Variants in FBXW2 observed in about 807,000 individuals in gnomAD.
FBXW2 encodes F-box and WD repeat domain containing 2, also known as F-box/WD repeat-containing protein 2.
Under a neutral mutation model 46.0 loss-of-function variants are expected in FBXW2, and 12 were observed. That is an observed-to-expected ratio of 0.26 (90% confidence interval 0.17 to 0.42). The LOEUF (loss-of-function observed/expected upper bound fraction) is 0.42. FBXW2 is among the 10% of genes least tolerant of loss of function. FBXW2 has a pLI of 1.00. For missense variants in FBXW2, 360 were observed against 537.0 expected (o/e 0.67, Z 3.26); for synonymous variants, 203 against 209.6 (o/e 0.97, Z 0.27).
In FBXW2 at chr9:120,776,202, T is replaced by G; in HGVS notation, c.710A>C (p.Glu237Ala). Residue 237 changes from glutamate to alanine, a missense_variant, in exon 5 of 8, where the codon GAA becomes GCA. Transcript: ENST00000608872. ...AGAGCCGCTCACCAAGATATCCAGT[T>G]CATCATTGTAGTCCACGCTAAATAC... ...GAVFSVDYND[E>A]LDILVSGSAD... The G allele has an allele frequency of 6.2e-7, 1 of 1,614,148 alleles. No individual in the cohort carries two copies. Among genetic ancestry groups the G allele is most frequent in the East Asian group, 2.2e-5 (1 of 44,884 alleles).
chr9:120,777,722 CA>C (rs982837832), intron 4 of FBXW2, among the ~76,000 whole-genome samples: 2 of 144,732 alleles, frequency 1.4e-5, no homozygotes, highest in Non-Finnish European at 3.0e-5. Flanking sequence ...CCGCCCCCGC[CA>C]AAAAAAAAGC....
chr9:120,791,176 T>C (rs1315965539), intron 2 of FBXW2, among the ~76,000 whole-genome samples: 4 of 152,220 alleles, frequency 2.6e-5, no homozygotes, highest in African/African-American at 7.2e-5. Context: ...TGGACTCTTT[T>C]AGGCAGCCTC....
chr9:120,791,542 T>C (rs1373058728), intron 2 of FBXW2, among the ~76,000 whole-genome samples: 2 of 152,202 alleles, frequency 1.3e-5, no homozygotes, highest in African/African-American at 2.4e-5. Flanking sequence ...GTGTACAGTC[T>C]AGCGGGTAAA....
chr9:120,763,143 G>A lies in FBXW2; in HGVS notation c.*1416C>T, dbSNP rs1029037447. On this transcript the variant is annotated 3_prime_UTR_variant, in exon 8 of 8. Coordinates refer to ENST00000608872, the MANE Select transcript of FBXW2 (RefSeq NM_012164.4). ...AAAATCTGGATTTCTAGCTCCTCCT[G>A]AAACAATGTGAAGACCTGCCAACCC... 6.6e-6 allele frequency: 1 copy of A among 152,164 alleles called. No homozygotes were observed. The highest frequency in any genetic ancestry group is 2.1e-4 in the South Asian group (1 of 4,834). The allele number at this position is 152,164 out of a possible 1,614,324, so 9.4% of individuals were successfully genotyped here.
intron 3 of FBXW2, among the ~76,000 whole-genome samples, chr9:120,784,913 C>G (rs1036660265): frequency 7.0e-6 from 1 of 143,622 alleles, no homozygotes; most frequent in African/African-American, 2.6e-5. Flanking sequence ...AGAGGAGCTC[C>G]TGTTTCAAAA....
intron 3 of FBXW2, among the ~76,000 whole-genome samples, chr9:120,787,074 G>A (rs1210898220): frequency 6.6e-6 from 1 of 152,152 alleles, no homozygotes; most frequent in Non-Finnish European, 1.5e-5. Flanking sequence ...TGTCACCCAG[G>A]CTGGAGTGCA....
At position 120,787,760 on chromosome 9, in the gene FBXW2, A is replaced by C; in HGVS notation, c.490+9T>G. ...ACAAAACCCAAAAAGCAGTTTCAAC[A>C]TCTCTTACCTGTACAGAGAAGTCCA... On this transcript the variant is annotated intron_variant, in intron 3 of 7. Transcript: ENST00000608872. 1 of 1,590,872 alleles carries C rather than the reference A, an allele frequency of 6.3e-7. No individual in the cohort carries two copies. Among genetic ancestry groups the C allele is most frequent in the Non-Finnish European group, 8.5e-7 (1 of 1,171,390 alleles).
rs752168720 is a variant in FBXW2 at position 120,760,163 on chromosome 9, C to T, written c.*4396G>A. On this transcript the variant is annotated 3_prime_UTR_variant, in exon 8 of 8. Coordinates refer to ENST00000608872, the MANE Select transcript of FBXW2 (RefSeq NM_012164.4). ...AGGTAGGAGGGCTGTGTCAAGAAGA[C>T]GGACCTAAAGGGCTTCTCCCCTATC... 5.3e-5 allele frequency: 8 copies of T among 152,376 alleles called. No homozygotes were observed. Among genetic ancestry groups the T allele is most frequent in the South Asian group, 2.1e-4 (1 of 4,828 alleles). 9.4% of individuals were successfully genotyped at this position (152,376 alleles called of 1,614,324 possible). A position where few individuals can be genotyped will look rare whatever the true frequency, so the allele number is the denominator to read the frequency against.
intron 7 of FBXW2, among the ~76,000 whole-genome samples, chr9:120,766,206 A>C (rs1311304079): frequency 6.6e-6 from 1 of 152,246 alleles, no homozygotes; most frequent in Admixed American, 6.5e-5. Context: ...GAAGGCTATC[A>C]GCTGAGATGG....
chr9:120,788,086 T>G lies in FBXW2; in HGVS notation c.173A>C (p.Lys58Thr). Residue 58 changes from lysine (K) to threonine (T), a missense_variant, in exon 3 of 8, where the codon AAA becomes ACA. Physicochemically the swap from Lys to Thr is moderately conservative, Grantham distance 78 (BLOSUM62 -1). Transcript: ENST00000608872. ...AAAACTGAGCTCCAGGGGAAGGAGT[T>G]TGAGGAAGTCCCGCTTGAGGAGAGT... is the stretch of plus-strand genomic sequence containing the variant. ...LETLLKRDFL[K>T]LLPLELSFYL... 6.2e-7 allele frequency: 1 copy of G among 1,614,160 alleles called. No individual in the cohort carries two copies. Among genetic ancestry groups the G allele is most frequent in the Non-Finnish European group, 8.5e-7 (1 of 1,180,026 alleles).
At position 120,762,962 on chromosome 9, in the gene FBXW2, C is replaced by T. The variant is rs1178143619; in HGVS notation, c.*1597G>A. Reference sequence around the variant, plus strand: ...CCCTCTACTCTCTCCCTGATTGTGACCACTAACATTTCCACTGCTGAATCA... The same window carrying T: ...CCCTCTACTCTCTCCCTGATTGTGATCACTAACATTTCCACTGCTGAATCA... On this transcript the variant is annotated 3_prime_UTR_variant, in exon 8 of 8. Coordinates refer to ENST00000608872, the MANE Select transcript of FBXW2 (RefSeq NM_012164.4). The T allele has an allele frequency of 6.6e-6, 1 of 152,158 alleles. No individual in the cohort carries two copies. The highest frequency in any genetic ancestry group is 1.5e-5 in the Non-Finnish European group (1 of 68,022). The allele number at this position is 152,158 out of a possible 1,614,324, so 9.4% of individuals were successfully genotyped here.
Position 120,776,347 on chromosome 9 carries a change from T to G in FBXW2, c.686-121A>C, listed in dbSNP as rs962678080. 3 of 1,127,612 alleles carry G rather than the reference T, an allele frequency of 2.7e-6. No homozygotes were observed. The Admixed American group carries it at 7.9e-5, about 30-fold the overall frequency. The allele number at this position is 1,127,612 out of a possible 1,614,324, so 69.9% of individuals were successfully genotyped here. A position where few individuals can be genotyped will look rare whatever the true frequency, so the allele number is the denominator to read the frequency against. ...TTCCCAACCAGAGACACCGTAAGAA[T>G]GATGCTATTCAACTAGCAATTTTCT... is the stretch of plus-strand genomic sequence containing the variant. On this transcript the variant is annotated intron_variant, in intron 4 of 7. Transcript: ENST00000608872.
chr9:120,775,229 C>T (rs536765845), intron 5 of FBXW2, among the ~76,000 whole-genome samples: 2 of 152,110 alleles, frequency 1.3e-5, no homozygotes, highest in East Asian at 1.9e-4. Flanking sequence ...CTTTCAGTAG[C>T]GACGGAGTTT....
intron 5 of FBXW2, among the ~76,000 whole-genome samples, chr9:120,773,047 T>C (rs2044412979): frequency 1.3e-5 from 2 of 152,116 alleles, no homozygotes; most frequent in South Asian, 2.1e-4. Context: ...GTTAGCCAGA[T>C]GAGGTGGGTC....
In FBXW2 at chr9:120,771,461, A is replaced by G; in HGVS notation, c.963T>C (p.Ser321=). The G allele has an allele frequency of 1.2e-6, 2 of 1,614,200 alleles. No homozygotes were observed. The highest frequency in any genetic ancestry group is 1.7e-6 in the Non-Finnish European group (2 of 1,180,022). The change falls in exon 7 of 8, where the codon TCT becomes TCC. Residue 321 remains serine, a synonymous_variant. Transcript: ENST00000608872. ...GCTGCAGGCAGATACTTCTATCCTC[A>G]GAGACAGACAATGTCTTTAAGCACT... ...NCKCLKTLSV[S]EDRSICLQPR... is the part of the protein sequence containing the mutation.
chr9:120,765,619 T>C (rs1176222890), intron 7 of FBXW2, among the ~76,000 whole-genome samples: 1 of 152,164 alleles, frequency 6.6e-6, no homozygotes, highest in African/African-American at 2.4e-5. Flanking sequence ...CCTAGAATAC[T>C]GGAACACCCT....
chr9:120,760,249 A>G lies in FBXW2; in HGVS notation c.*4310T>C, dbSNP rs1388277690. On this transcript the variant is annotated 3_prime_UTR_variant, in exon 8 of 8. Transcript: ENST00000608872. ...GCCCTGCCCGGACTGCATCATGAGTAGCAATCTGATTCTGCTCGCTTCCCA... is the reference window on the plus strand; with the variant it reads ...GCCCTGCCCGGACTGCATCATGAGTGGCAATCTGATTCTGCTCGCTTCCCA... 6.6e-6 allele frequency: 1 copy of G among 152,324 alleles called. No homozygotes were observed. Among genetic ancestry groups the G allele is most frequent in the Non-Finnish European group, 1.5e-5 (1 of 68,134 alleles). The allele number at this position is 152,324 out of a possible 1,614,324, so 9.4% of individuals were successfully genotyped here. A position where few individuals can be genotyped will look rare whatever the true frequency, so the allele number is the denominator to read the frequency against.
At chr9:120,772,430 T>G (rs894900761) in intron 6 of FBXW2, among the ~76,000 whole-genome samples, 2 of 152,008 alleles carry the variant, frequency 1.3e-5, no homozygotes, top group Non-Finnish European at 2.9e-5. Context: ...GGGGCGGAGG[T>G]TGCAGTGAGC....
intron 3 of FBXW2, among the ~76,000 whole-genome samples, chr9:120,782,477 AAAAC>A (rs1430304690): frequency 6.6e-6 from 1 of 151,392 alleles, no homozygotes; most frequent in Non-Finnish European, 1.5e-5. Context: ...AAAAAAAAAT[AAAAC>A]AAGCAAGCAA....
Sources: allele counts gnomAD v4.1 joint callset (sites outside exome capture counted in the v4.1 genomes callset), GRCh38; gene constraint gnomAD v4.1.1; transcripts MANE v1.5; gene names NCBI Gene and HGNC (gene_info 2026-07-23, HGNC 2026-07-21).